The following GALNT13 variants were observed in gnomAD, a reference collection of about 807,000 sequenced individuals.
GALNT13 encodes the protein polypeptide N-acetylgalactosaminyltransferase 13.
GALNT13 carries 28 observed loss-of-function variants against 64.2 expected under a neutral mutation model. The ratio of observed to expected loss-of-function variants is 0.44; its 90% CI spans 0.32 to 0.60. The LOEUF (loss-of-function observed/expected upper bound fraction) is 0.60. Ranked by LOEUF, GALNT13 falls within the 20% of genes least tolerant of loss-of-function variation. GALNT13 has a pLI of 0.05. For missense variants in GALNT13, 577 were observed against 669.8 expected, an observed-to-expected ratio of 0.86 and a Z score of 1.53; for synonymous variants, 214 against 224.6, an observed-to-expected ratio of 0.95 and a Z score of 0.42.
chr2:154,021,181 C>A (rs1451563128), intron 3 of GALNT13, among the ~76,000 whole-genome samples: 1 of 152,102 alleles, frequency 6.6e-6, no homozygotes, highest in Non-Finnish European at 1.5e-5. Flanking sequence ...CTTGGCGATG[C>A]GGGCTCTTTT....
chr2:153,932,626 C>CTTTTTTTTTTTTTTTTTTTTT, intron 2 of GALNT13, among the ~76,000 whole-genome samples: 1 of 95,652 alleles, frequency 1.0e-5, no homozygotes, highest in Non-Finnish European at 2.0e-5. Context: ...TTCTGTCTTT[C>CTTTTTTTTTTTTTTTTTTTTT]TTTTTTTTTT....
At chr2:153,809,224 T>G in the GALNT13 span, among the ~76,000 whole-genome samples, 1 of 152,250 alleles carries the variant, frequency 6.6e-6, no homozygotes, top group Non-Finnish European at 1.5e-5. Flanking sequence ...TACATTAATA[T>G]GCACACATTA....
At chr2:153,797,733 A>G in the GALNT13 span, among the ~76,000 whole-genome samples, 1 of 152,200 alleles carries the variant, frequency 6.6e-6, no homozygotes, top group Non-Finnish European at 1.5e-5. Flanking sequence ...GCTTTGAAGT[A>G]AAGATAAAAT....
At chr2:153,648,589 A>G in the GALNT13 span, among the ~76,000 whole-genome samples, 2 of 152,044 alleles carry the variant, frequency 1.3e-5, no homozygotes, top group Non-Finnish European at 2.9e-5. Context: ...TCAGTATGAT[A>G]TTGGCTGTGG....
downstream of GALNT13, among the ~76,000 whole-genome samples, chr2:154,456,099 A>G (rs1353804403): frequency 6.6e-6 from 1 of 152,044 alleles, no homozygotes; most frequent in Non-Finnish European, 1.5e-5. Context: ...TTTCTGCTAA[A>G]AATAGCACAA....
At chr2:154,408,941 C>T in intron 10 of GALNT13, 43 bp from the exon 11 acceptor site, 1 of 1,191,488 alleles carries the variant, frequency 8.4e-7, no homozygotes, top group Non-Finnish European at 1.2e-6. Context: ...AAATAACTGT[C>T]TGATTTATGT....
At chr2:154,099,139 G>A (rs1702219710) in intron 3 of GALNT13, among the ~76,000 whole-genome samples, 1 of 152,018 alleles carries the variant, frequency 6.6e-6, no homozygotes, top group Non-Finnish European at 1.5e-5. Flanking sequence ...GTATTTTATT[G>A]TGGTTTTAAT....
the GALNT13 span, among the ~76,000 whole-genome samples, chr2:153,207,063 T>C: frequency 2.6e-5 from 4 of 152,126 alleles, no homozygotes; most frequent in African/African-American, 9.6e-5. Context: ...TACTTAATAC[T>C]ATCCACTGTT....
the GALNT13 span, among the ~76,000 whole-genome samples, chr2:153,563,800 T>G: frequency 6.6e-6 from 1 of 152,114 alleles, no homozygotes; most frequent in Non-Finnish European, 1.5e-5. Flanking sequence ...AAAAAATGAG[T>G]TTTTGATCAA....
At chr2:154,266,084 AAAAC>A (rs992440714) in intron 8 of GALNT13, among the ~76,000 whole-genome samples, 1 of 152,186 alleles carries the variant, frequency 6.6e-6, no homozygotes, top group Non-Finnish European at 1.5e-5. Context: ...AAGAAAACCA[AAAAC>A]AAACAAACAA....
chr2:153,401,190 A>C, the GALNT13 span, among the ~76,000 whole-genome samples: 1 of 152,280 alleles, frequency 6.6e-6, no homozygotes, highest in African/African-American at 2.4e-5. Flanking sequence ...TGTACCCAGT[A>C]GTCATTCAGG....
the GALNT13 span, among the ~76,000 whole-genome samples, chr2:153,133,332 G>A: frequency 1.3e-5 from 2 of 152,126 alleles, no homozygotes; most frequent in South Asian, 2.1e-4. Context: ...CCTCCAAGGG[G>A]CCTATGCACT....
At chr2:153,273,463 C>T in the GALNT13 span, among the ~76,000 whole-genome samples, 12 of 152,114 alleles carry the variant, frequency 7.9e-5, no homozygotes, top group East Asian at 3.9e-4. Flanking sequence ...GCTTCTTACC[C>T]GGTACTTATA....
chr2:154,113,478 C>G (rs958990817), intron 3 of GALNT13, among the ~76,000 whole-genome samples: 8 of 152,216 alleles, frequency 5.3e-5, no homozygotes, highest in Non-Finnish European at 1.0e-4. Context: ...GGCGTTGTGC[C>G]TCTTTCTTGC....
At chr2:153,285,255 A>G in the GALNT13 span, among the ~76,000 whole-genome samples, 1 of 152,010 alleles carries the variant, frequency 6.6e-6, no homozygotes, top group Non-Finnish European at 1.5e-5. Flanking sequence ...TGGTCCAATT[A>G]CCTCTACCTG....
chr2:153,589,647 A>G, the GALNT13 span, among the ~76,000 whole-genome samples: 541 of 152,360 alleles, frequency 3.6e-3, 7 homozygotes, highest in South Asian at 0.036. Flanking sequence ...CCTCACAATC[A>G]TGGAAGAAGG....
chr2:153,519,902 A>G, the GALNT13 span, among the ~76,000 whole-genome samples: 4 of 152,114 alleles, frequency 2.6e-5, no homozygotes, highest in Non-Finnish European at 4.4e-5. Context: ...TGGACATGTC[A>G]CAAATTATGG....
At position 153,944,656 on chromosome 2, in the gene GALNT13, C is replaced by G. The variant is rs369723516; in HGVS notation, c.142+17C>G. ...CATTGAGGGGTAAGTGCTTATGAAGCAAATACTGTCTTTATAGAGATGAGA... is the reference window on the plus strand; with the variant it reads ...CATTGAGGGGTAAGTGCTTATGAAGGAAATACTGTCTTTATAGAGATGAGA... On this transcript the variant is annotated intron_variant, in intron 3 of 12. Coordinates refer to ENST00000392825, the MANE Select transcript of GALNT13 (RefSeq NM_052917.4). 17 of 1,603,846 alleles carry G rather than the reference C, an allele frequency of 1.1e-5. No individual in the cohort carries two copies. The highest frequency in any genetic ancestry group is 1.4e-5 in the Non-Finnish European group (17 of 1,172,968).
intron 10 of GALNT13, among the ~76,000 whole-genome samples, chr2:154,403,288 A>G (rs892285859): frequency 3.3e-5 from 5 of 151,998 alleles, no homozygotes; most frequent in African/African-American, 1.2e-4. Flanking sequence ...CCGCATTTCT[A>G]TTACAAATAC....
Sources: allele counts gnomAD v4.1 joint callset (sites outside exome capture counted in the v4.1 genomes callset), GRCh38; gene constraint gnomAD v4.1.1; transcripts MANE v1.5; gene names NCBI Gene and HGNC (gene_info 2026-07-23, HGNC 2026-07-21).